The following EYS variants were observed in gnomAD, a reference collection of about 807,000 sequenced individuals.
EYS encodes EGF-like photoreceptor maintenance factor, also known as protein eyes shut homolog.
EYS carries 250 observed loss-of-function variants against 282.1 expected under a neutral mutation model. The ratio of observed to expected loss-of-function variants is 0.89; its 90% CI spans 0.80 to 0.98. EYS has a LOEUF of 0.98. Among genes scored for constraint, EYS ranks in the 50% least tolerant of loss-of-function variants. EYS has a pLI of 0.00. For synonymous variants in EYS, 1,355 were observed against 1,282.9 expected (o/e 1.06, Z -1.20); for missense variants, 4,016 against 3,709.0 (o/e 1.08, Z -2.15).
chr6:64,522,960 G>C (rs1777802784), intron 26 of EYS, among the ~76,000 whole-genome samples: 1 of 151,558 alleles, frequency 6.6e-6, no homozygotes, highest in Non-Finnish European at 1.5e-5. Flanking sequence ...GAAACTTGAA[G>C]ACATTTCTTT....
At chr6:64,404,552 A>G (rs962440053) in intron 28 of EYS, among the ~76,000 whole-genome samples, 49 of 152,166 alleles carry the variant, frequency 3.2e-4, no homozygotes, top group Admixed American at 1.3e-4. Flanking sequence ...GGTATTTTAA[A>G]ATACTACCAC....
At chr6:64,952,093 G>A (rs968005281) in intron 14 of EYS, among the ~76,000 whole-genome samples, 17 of 151,978 alleles carry the variant, frequency 1.1e-4, no homozygotes, top group Admixed American at 6.6e-5. Flanking sequence ...TATCTTCAAA[G>A]GGACACAAAG....
At chr6:64,171,025 C>A (rs1214791338) in intron 31 of EYS, among the ~76,000 whole-genome samples, 1 of 152,176 alleles carries the variant, frequency 6.6e-6, no homozygotes, top group East Asian at 1.9e-4. Context: ...CCTACCGCTT[C>A]TTCTGCTTAC....
At chr6:64,707,060 C>T (rs1392287956) in intron 22 of EYS, among the ~76,000 whole-genome samples, 2 of 151,844 alleles carry the variant, frequency 1.3e-5, no homozygotes, top group East Asian at 1.9e-4. Context: ...AGACCAAATG[C>T]CCATTAATCA....
intron 29 of EYS, among the ~76,000 whole-genome samples, chr6:64,369,305 T>G (rs1262273135): frequency 3.3e-5 from 5 of 152,136 alleles, no homozygotes; most frequent in Non-Finnish European, 1.5e-5. Flanking sequence ...ACTGCCATCT[T>G]GTTTTGGTTA....
chr6:64,299,673 C>G (rs1769166205), intron 30 of EYS, among the ~76,000 whole-genome samples: 1 of 152,226 alleles, frequency 6.6e-6, no homozygotes, highest in African/African-American at 2.4e-5. Context: ...ATTGAAACAG[C>G]TGCTTAAAGC....
chr6:65,557,697 C>T (rs769497038), intron 2 of EYS, among the ~76,000 whole-genome samples: 33 of 152,244 alleles, frequency 2.2e-4, no homozygotes, highest in African/African-American at 6.5e-4. Flanking sequence ...CTTTCACTCC[C>T]GAGGTTTGGT....
intron 12 of EYS, among the ~76,000 whole-genome samples, chr6:65,092,741 G>A (rs999073929): frequency 9.2e-5 from 14 of 152,034 alleles, no homozygotes; most frequent in African/African-American, 2.9e-4. Context: ...TACTTACAGC[G>A]CAGGAAGATC....
Position 65,295,854 on chromosome 6 carries a change from A to C in EYS, c.2023+9T>G, listed in dbSNP as rs1423346150. 1 of 1,526,082 alleles carries C rather than the reference A, an allele frequency of 6.6e-7. No homozygotes were observed. The highest frequency in any genetic ancestry group is 8.8e-7 in the Non-Finnish European group (1 of 1,139,320). The allele number at this position is 1,526,082 out of a possible 1,614,324, so 94.5% of individuals were successfully genotyped here. On this transcript the variant is annotated intron_variant, in intron 12 of 42. Transcript: ENST00000503581. ...GAAAATTTAATTTATCAGGAAAAAA[A>C]AAACTTGCCTTTAAATCCTGGGACA...
rs543302112 is a variant in EYS, at chr6:64,905,834, G to T, written c.2642-3334C>A. On this transcript the variant is annotated intron_variant, in intron 16 of 42. Coordinates refer to ENST00000503581, the MANE Select transcript of EYS (RefSeq NM_001142800.2). ...TTTAACAATCTCCACTTCATATTTG[G>T]TATTAGTTGGAATAATTTGAAATGA... Among the ~76,000 whole-genome samples the T allele has an allele frequency of 2.0e-5, 3 of 151,754 alleles. No individual in the cohort carries two copies. The South Asian group carries it at 6.2e-4, about 32-fold the overall frequency.
chr6:65,363,355 A>G (rs1764786773), intron 8 of EYS, among the ~76,000 whole-genome samples: 1 of 152,018 alleles, frequency 6.6e-6, no homozygotes, highest in Non-Finnish European at 1.5e-5. Context: ...GTGGCATAAT[A>G]TTAAATAAAC....
At chr6:63,906,246 C>A (rs1000587451) in intron 35 of EYS, among the ~76,000 whole-genome samples, 10 of 152,192 alleles carry the variant, frequency 6.6e-5, no homozygotes, top group Non-Finnish European at 1.5e-5. Context: ...ATTCACTTAG[C>A]ATTTCATTCA....
intron 18 of EYS, among the ~76,000 whole-genome samples, chr6:64,894,003 T>G (rs939089571): frequency 1.3e-5 from 2 of 152,096 alleles, no homozygotes; most frequent in Non-Finnish European, 2.9e-5. Context: ...TGCTATGTAT[T>G]TTTCAAAATA....
chr6:63,945,256 G>A (rs934126181), intron 35 of EYS, among the ~76,000 whole-genome samples: 2 of 152,128 alleles, frequency 1.3e-5, no homozygotes, highest in African/African-American at 4.8e-5. Context: ...CGGCAGGAAG[G>A]AGAAGAATGA....
rs1776417881 is a variant in EYS, at chr6:64,480,922, A to T, written c.5645-41570T>A. ...TAGTTACACTGATTATTGTCATCAGACTTTTCCAAGACTTTTTTTTCAGGT... is the reference window on the plus strand; with the variant it reads ...TAGTTACACTGATTATTGTCATCAGTCTTTTCCAAGACTTTTTTTTCAGGT... On this transcript the variant is annotated intron_variant, in intron 26 of 42. Transcript: ENST00000503581. 3.3e-5 allele frequency among the ~76,000 whole-genome samples: 5 copies of T among 151,690 alleles called. No individual in the cohort carries two copies. In the South Asian group the frequency reaches 8.3e-4, roughly 25 times the overall value.
chr6:64,139,423 G>A (rs1456709789), intron 31 of EYS, among the ~76,000 whole-genome samples: 1 of 152,128 alleles, frequency 6.6e-6, no homozygotes, highest in African/African-American at 2.4e-5. Flanking sequence ...AGCAGGTGGA[G>A]TTAGGTGGCT....
At chr6:63,930,280 A>ACAC (rs1764847136) in intron 35 of EYS, among the ~76,000 whole-genome samples, 1 of 128,422 alleles carries the variant, frequency 7.8e-6, no homozygotes. Flanking sequence ...TAAGAAACCC[A>ACAC]CCCCCCCCAC....
chr6:63,754,780 A>C (rs1336486147), intron 41 of EYS, among the ~76,000 whole-genome samples: 1 of 152,200 alleles, frequency 6.6e-6, no homozygotes, highest in African/African-American at 2.4e-5. Flanking sequence ...GTCTTCTACA[A>C]TGGTTGAACT....
At chr6:65,328,658 A>G (rs562411345) in intron 11 of EYS, among the ~76,000 whole-genome samples, 1 of 151,206 alleles carries the variant, frequency 6.6e-6, no homozygotes, top group Admixed American at 6.6e-5. Context: ...AAACAAGTGA[A>G]TAATATGATA....
Sources: gnomAD v4.1 joint callset for allele counts (sites outside exome capture counted in the v4.1 genomes callset) on GRCh38, gnomAD v4.1.1 for gene constraint, MANE v1.5 for transcripts, NCBI Gene and HGNC (gene_info 2026-07-23, HGNC 2026-07-21) for gene names.